The following AIG1 variants were observed in gnomAD, a reference collection of about 807,000 sequenced individuals.
AIG1 encodes the protein androgen induced 1.
A neutral mutation model predicts 31.4 loss-of-function variants in AIG1; 23 were observed. That is an observed-to-expected ratio of 0.73 (90% confidence interval 0.53 to 1.04). The LOEUF is 1.04. Ranked by LOEUF, AIG1 falls within the 50% of genes least tolerant of loss-of-function variation. AIG1 has a pLI of 0.00. For synonymous variants in AIG1, 100 were observed against 110.5 expected, an observed-to-expected ratio of 0.90 and a Z score of 0.60; for missense variants, 274 against 295.0, an observed-to-expected ratio of 0.93 and a Z score of 0.52.
intron 3 of AIG1, among the ~76,000 whole-genome samples, chr6:143,198,296 A>G (rs1790419051): frequency 6.6e-6 from 1 of 152,238 alleles, no homozygotes; most frequent in Non-Finnish European, 1.5e-5. Flanking sequence ...AAGTTTGCCT[A>G]GAACCAAACC....
At position 143,198,401 on chromosome 6, in the gene AIG1, A is replaced by G. The variant is rs1208867490; in HGVS notation, c.399+33218A>G. Among the ~76,000 whole-genome samples the G allele has an allele frequency of 2.0e-5, 3 of 152,352 alleles. No homozygotes were observed. The East Asian group carries it at 5.8e-4, about 29-fold the overall frequency. On this transcript the variant is annotated intron_variant, in intron 3 of 5. Transcript: ENST00000357847. The stretch of plus-strand genomic sequence containing the variant: ...AGGACAGAATCTGACAGCTAGTAAT[A>G]ATTGGAAACATATGCAGACAACGTT...
chr6:143,182,543 G>A (rs759464808), intron 3 of AIG1, among the ~76,000 whole-genome samples: 103 of 151,854 alleles, frequency 6.8e-4, no homozygotes, highest in African/African-American at 2.3e-3. Flanking sequence ...TACCTACCCC[G>A]AGCAGCCAAT....
intron 3 of AIG1, among the ~76,000 whole-genome samples, chr6:143,186,174 G>T (rs1043811788): frequency 2.0e-5 from 3 of 152,148 alleles, no homozygotes; most frequent in African/African-American, 7.2e-5. Flanking sequence ...CTCTGTACCT[G>T]TCTCCATGGA....
chr6:143,139,485 A>G (rs1463626126), intron 2 of AIG1, among the ~76,000 whole-genome samples: 2 of 152,126 alleles, frequency 1.3e-5, no homozygotes, highest in Non-Finnish European at 2.9e-5. Context: ...TAGATAAGGA[A>G]TCAGAGATGT....
At chr6:143,240,133 A>G (rs1794134308) in intron 3 of AIG1, among the ~76,000 whole-genome samples, 4 of 152,166 alleles carry the variant, frequency 2.6e-5, no homozygotes, top group Admixed American at 2.6e-4. Flanking sequence ...TCTCAGCTGC[A>G]TTGCTTCCTG....
rs972296279 is a variant in AIG1, at chr6:143,340,858, A to G, written c.*1182A>G. On this transcript the variant is annotated 3_prime_UTR_variant, in exon 6 of 6. Transcript: ENST00000357847. Reference sequence around the variant, plus strand: ...TATATAAATTATAAAATGTTACTTAACACAAATATAAGTATTGATTGCCCA... The same window carrying G: ...TATATAAATTATAAAATGTTACTTAGCACAAATATAAGTATTGATTGCCCA... 5.3e-5 allele frequency among the ~76,000 whole-genome samples: 8 copies of G among 152,178 alleles called. No homozygotes were observed. The highest frequency in any genetic ancestry group is 1.2e-4 in the Non-Finnish European group (8 of 68,024).
At chr6:143,276,595 C>T (rs9403478) in intron 3 of AIG1, among the ~76,000 whole-genome samples, 18,740 of 152,074 alleles carry the variant, frequency 0.12, 1,561 homozygotes, top group East Asian at 0.39. Context: ...CTAAAGCCAG[C>T]ACTGGGCGCT....
rs574829176 is a variant in AIG1 at position 143,215,185 on chromosome 6, CATAAG to C, written c.399+50007_399+50011del. ...CTAATATGCACACCAACTGATTAAA[CATAAG>C]ATAAAATAAATAGTATTTATGATGT... On this transcript the variant is annotated intron_variant, in intron 3 of 5. Transcript: ENST00000357847. 2.5e-3 allele frequency among the ~76,000 whole-genome samples: 387 copies of C among 152,224 alleles called. 5 individuals are homozygous for C. The highest frequency in any genetic ancestry group is 8.9e-3 in the African/African-American group (369 of 41,508).
chr6:143,146,588 G>T (rs141062813), intron 2 of AIG1, among the ~76,000 whole-genome samples: 1 of 146,486 alleles, frequency 6.8e-6, no homozygotes, highest in Non-Finnish European at 1.5e-5. Context: ...TCATCCCTCC[G>T]CCCTAAACAT....
Position 143,326,921 on chromosome 6 carries a change from CCACTCTATGAAGAG to C in AIG1, c.516-6353_516-6340del, listed in dbSNP as rs1411551855. On this transcript the variant is annotated intron_variant, in intron 4 of 5. Coordinates refer to ENST00000357847, the MANE Select transcript of AIG1 (RefSeq NM_016108.4). The surrounding 1 kb of genome is among the most constrained non-coding windows in gnomAD (Gnocchi z 4.5). ...ATGGGGCCAAAGAGACCGATAGAAG[CCACTCTATGAAGAG>C]CACTCTAGACTTTGTTGAAACTTTG... Among the ~76,000 whole-genome samples, 1 of 152,108 alleles carries C rather than the reference CCACTCTATGAAGAG, an allele frequency of 6.6e-6. No homozygotes were observed. Among genetic ancestry groups the C allele is most frequent in the Non-Finnish European group, 1.5e-5 (1 of 68,020 alleles).
At chr6:143,343,149 A>G, downstream of AIG1, 3 of 749,234 alleles carry the variant, frequency 4.0e-6, no homozygotes, top group Admixed American at 3.5e-5. Flanking sequence ...TTTACTTCCA[A>G]TGTTCACATT....
intron 4 of AIG1, among the ~76,000 whole-genome samples, chr6:143,309,416 T>G (rs972228845): frequency 3.9e-5 from 6 of 152,036 alleles, no homozygotes; most frequent in Non-Finnish European, 8.8e-5. Flanking sequence ...ATTAGAGAAG[T>G]GCTTTTTAAT....
At chr6:143,090,917 C>T (rs1474196199) in intron 1 of AIG1, among the ~76,000 whole-genome samples, 1 of 151,472 alleles carries the variant, frequency 6.6e-6, no homozygotes, top group East Asian at 1.9e-4. Context: ...ATTTTACCCA[C>T]AATAGAACTT....
At chr6:143,165,823 T>C (rs1213063669) in intron 3 of AIG1, among the ~76,000 whole-genome samples, 1 of 152,222 alleles carries the variant, frequency 6.6e-6, no homozygotes, top group Non-Finnish European at 1.5e-5. Context: ...TCAAATCCAG[T>C]GCTTTGGATG....
intron 3 of AIG1, among the ~76,000 whole-genome samples, chr6:143,246,099 G>A (rs984625511): frequency 6.6e-6 from 1 of 152,174 alleles, no homozygotes; most frequent in Admixed American, 6.5e-5. Flanking sequence ...ATCCTGGGCT[G>A]CAGGTGGGAC....
chr6:143,151,808 G>T (rs1785258101), intron 2 of AIG1, among the ~76,000 whole-genome samples: 2 of 152,222 alleles, frequency 1.3e-5, no homozygotes, highest in Non-Finnish European at 1.5e-5. Flanking sequence ...GAAGAAGCCA[G>T]AAGGGAAGCC....
In AIG1 at chr6:143,334,295, C is replaced by G. The variant is rs1777309457; in HGVS notation, c.679+850C>G. On this transcript the variant is annotated intron_variant, in intron 5 of 5. Transcript: ENST00000357847. This position sits in a 1 kb window ranked among gnomAD's most constrained non-coding sequence, Gnocchi z 5.1. ...GACACAATCACAGCATTCTAGACAT[C>G]CCCAGTAAATGGACTCTGTGACACA... Among the ~76,000 whole-genome samples the G allele has an allele frequency of 6.6e-6, 1 of 152,220 alleles. No homozygotes were observed. Among genetic ancestry groups the G allele is most frequent in the Admixed American group, 6.5e-5 (1 of 15,288 alleles).
chr6:143,209,855 T>C (rs1694840389), intron 3 of AIG1, among the ~76,000 whole-genome samples: 1 of 152,214 alleles, frequency 6.6e-6, no homozygotes, highest in Admixed American at 6.5e-5. Context: ...GCTTATTTCT[T>C]ACCATCTCCC....
rs148986481 is a variant in AIG1, at chr6:143,324,063, T to C, written c.516-9219T>C. ...CCATGAGAGGCTCACAGAAACCTAC[T>C]GGGTGAGAAGCTGATGCACATCCCA... is the stretch of plus-strand genomic sequence containing the variant. On this transcript the variant is annotated intron_variant, in intron 4 of 5. Transcript: ENST00000357847. Among the ~76,000 whole-genome samples, 427 of 152,298 alleles carry C rather than the reference T, an allele frequency of 2.8e-3. 2 individuals carry two copies. Among genetic ancestry groups the C allele is most frequent in the African/African-American group, 9.8e-3 (409 of 41,580 alleles).
Sources: gnomAD v4.1 joint callset for allele counts (sites outside exome capture counted in the v4.1 genomes callset) on GRCh38, gnomAD v4.1.1 for gene constraint, Gnocchi (gnomAD v3.1) non-coding constraint, MANE v1.5 for transcripts, NCBI Gene and HGNC (gene_info 2026-07-23, HGNC 2026-07-21) for gene names.